Variants in UBE3D observed in about 807,000 individuals in gnomAD.
The protein encoded by UBE3D is ubiquitin protein ligase E3D.
A neutral mutation model predicts 49.6 loss-of-function variants in UBE3D; 48 were observed. That is an observed-to-expected ratio of 0.97 (90% CI 0.77 to 1.23). The LOEUF (loss-of-function observed/expected upper bound fraction) is 1.23, where lower values mean the gene tolerates loss of function less well. UBE3D is among the 50% of genes most tolerant of loss of function. The pLI, the probability that UBE3D is intolerant of heterozygous loss-of-function variation, is 0.00. For missense variants in UBE3D, 452 were observed against 468.4 expected (o/e 0.96, Z 0.32); for synonymous variants, 189 against 174.2 (o/e 1.08, Z -0.67).
chr6:83,033,573 C>T (rs970247499), intron 5 of UBE3D, among the ~76,000 whole-genome samples: 1 of 152,024 alleles, frequency 6.6e-6, no homozygotes, highest in South Asian at 2.1e-4. Flanking sequence ...TTACAAGATC[C>T]ACTAGTTTAA....
At chr6:82,987,301 T>G (rs1009844344) in intron 8 of UBE3D, among the ~76,000 whole-genome samples, 2 of 152,166 alleles carry the variant, frequency 1.3e-5, no homozygotes, top group South Asian at 4.1e-4. Context: ...GGAATGAGCC[T>G]CCACGCCTCA....
chr6:82,941,303 G>GA (rs1242600917), intron 9 of UBE3D, among the ~76,000 whole-genome samples: 2 of 150,832 alleles, frequency 1.3e-5, no homozygotes, highest in Non-Finnish European at 3.0e-5. Flanking sequence ...TTTTTTTTAT[G>GA]AAAAAAGGTT....
rs1169594130 is a variant in UBE3D, at chr6:83,025,922, A to G, written c.668-1884T>C. Reference sequence around the variant, plus strand: ...AAAAAAAAAGAAAAATTGTGTATGTATTGTGGCACCATAATTAAACATATA... The same window carrying G: ...AAAAAAAAAGAAAAATTGTGTATGTGTTGTGGCACCATAATTAAACATATA... On this transcript the variant is annotated intron_variant, in intron 5 of 9. Transcript: ENST00000369747. 2.0e-5 allele frequency among the ~76,000 whole-genome samples: 3 copies of G among 148,372 alleles called. No individual in the cohort carries two copies. The East Asian group carries it at 6.0e-4, about 30-fold the overall frequency.
chr6:83,045,089 T>C (rs762207644), intron 3 of UBE3D, among the ~76,000 whole-genome samples: 1 of 152,208 alleles, frequency 6.6e-6, no homozygotes, highest in Non-Finnish European at 1.5e-5. Flanking sequence ...GATATTTAGG[T>C]TTTGAGTTTT....
rs1443881983 is a variant in UBE3D, at chr6:82,892,513, A to G, written c.*509T>C. On this transcript the variant is annotated 3_prime_UTR_variant, in exon 10 of 10. Coordinates refer to ENST00000369747, the MANE Select transcript of UBE3D (RefSeq NM_198920.3). ...TTAATTTGATAATCATTCATTCAAC[A>G]AACATCTATTGAGCATCTCCTCTGA... The G allele has an allele frequency of 6.4e-6, 1 of 157,312 alleles. No homozygotes were observed. The highest frequency in any genetic ancestry group is 1.4e-5 in the Non-Finnish European group (1 of 70,850). 9.7% of individuals were successfully genotyped at this position (157,312 alleles called of 1,614,324 possible). A position where few individuals can be genotyped will look rare whatever the true frequency, so the allele number is the denominator to read the frequency against.
chr6:82,993,565 T>C (rs563039872), intron 8 of UBE3D, among the ~76,000 whole-genome samples: 1 of 152,308 alleles, frequency 6.6e-6, no homozygotes, highest in East Asian at 1.9e-4. Flanking sequence ...CATCACTTCA[T>C]TCATGTGGAT....
intron 8 of UBE3D, among the ~76,000 whole-genome samples, chr6:82,963,770 C>A (rs1329318516): frequency 1.3e-5 from 2 of 152,122 alleles, no homozygotes; most frequent in African/African-American, 4.8e-5. Context: ...CACCCAGGAT[C>A]AACATTTTTC....
At chr6:82,957,880 G>A (rs1043249465) in intron 8 of UBE3D, among the ~76,000 whole-genome samples, 30 of 152,110 alleles carry the variant, frequency 2.0e-4, no homozygotes, top group African/African-American at 6.5e-4. Flanking sequence ...TTCTGAGCTG[G>A]ATAGGCCCTT....
intron 9 of UBE3D, among the ~76,000 whole-genome samples, chr6:82,948,633 G>A (rs1222615593): frequency 2.6e-5 from 4 of 151,802 alleles, no homozygotes; most frequent in Non-Finnish European, 5.9e-5. Context: ...CTAGCAAACT[G>A]AATTCAATAA....
At position 82,896,083 on chromosome 6, in the gene UBE3D, A is replaced by G. The variant is rs748810139; in HGVS notation, c.1150-3041T>C. 7.2e-5 allele frequency among the ~76,000 whole-genome samples: 11 copies of G among 152,342 alleles called. No individual in the cohort carries two copies. The East Asian group carries it at 1.5e-3, about 21-fold the overall frequency. On this transcript the variant is annotated intron_variant, in intron 9 of 9. Coordinates refer to ENST00000369747, the MANE Select transcript of UBE3D (RefSeq NM_198920.3). ...TTTTTAAAGACAACATGAAACTGCA[A>G]TCATCCTTGGGAACAGGTACTGTAC...
At chr6:82,883,143 A>G in the UBE3D span, among the ~76,000 whole-genome samples, 1 of 152,224 alleles carries the variant, frequency 6.6e-6, no homozygotes, top group African/African-American at 2.4e-5. Flanking sequence ...TCTTCAATAC[A>G]TTTCCTACAG....
intron 8 of UBE3D, among the ~76,000 whole-genome samples, chr6:82,988,428 G>C (rs943994309): frequency 7.9e-5 from 12 of 151,866 alleles, no homozygotes; most frequent in African/African-American, 2.9e-4. Context: ...CCAAAATACT[G>C]ACAGACTGAC....
intron 8 of UBE3D, among the ~76,000 whole-genome samples, chr6:83,001,110 C>G (rs1027442457): frequency 6.6e-6 from 1 of 152,202 alleles, no homozygotes; most frequent in Non-Finnish European, 1.5e-5. Flanking sequence ...TCCCAAAGTG[C>G]TGGAATTACA....
intron 9 of UBE3D, 120 bp from the exon 10 acceptor site, chr6:82,893,162 G>T: frequency 4.3e-6 from 5 of 1,149,636 alleles, no homozygotes; most frequent in Non-Finnish European, 6.4e-6. Flanking sequence ...TGTTTAAACA[G>T]AAAAATGACT....
At chr6:82,970,415 T>C (rs1022227018) in intron 8 of UBE3D, among the ~76,000 whole-genome samples, 8 of 152,104 alleles carry the variant, frequency 5.3e-5, no homozygotes, top group African/African-American at 7.2e-5. Flanking sequence ...GAAAACCTTA[T>C]TGACAGAAAG....
chr6:82,934,565 G>A (rs1774412779), intron 9 of UBE3D, among the ~76,000 whole-genome samples: 1 of 152,032 alleles, frequency 6.6e-6, no homozygotes, highest in African/African-American at 2.4e-5. Context: ...TGGGGGTGGG[G>A]CAAGTTGTGG....
At position 82,898,015 on chromosome 6, in the gene UBE3D, G is replaced by A. The variant is rs570322852; in HGVS notation, c.1150-4973C>T. On this transcript the variant is annotated intron_variant, in intron 9 of 9. Coordinates refer to ENST00000369747, the MANE Select transcript of UBE3D (RefSeq NM_198920.3). The stretch of plus-strand genomic sequence containing the variant: ...CAAACAACCCCATCAAAAAGTGGGC[G>A]AAGGATATGAACAGACACTTCTCAA... 3.9e-5 allele frequency among the ~76,000 whole-genome samples: 6 copies of A among 152,242 alleles called. No homozygotes were observed. In the South Asian group the frequency reaches 6.2e-4, roughly 16 times the overall value.
intron 9 of UBE3D, among the ~76,000 whole-genome samples, chr6:82,946,370 A>G (rs540688238): frequency 1.3e-5 from 2 of 152,244 alleles, no homozygotes; most frequent in East Asian, 3.9e-4. Context: ...TAAAATGCTG[A>G]AGGAAAAAAA....
At chr6:82,978,501 T>A (rs16879535) in intron 8 of UBE3D, among the ~76,000 whole-genome samples, 5,107 of 152,240 alleles carry the variant, frequency 0.034, 137 homozygotes, top group East Asian at 0.094. Context: ...TAAATAACCT[T>A]AAATCCCAAA....
Sources: gnomAD v4.1 joint callset for allele counts (sites outside exome capture counted in the v4.1 genomes callset) on GRCh38, gnomAD v4.1.1 for gene constraint, MANE v1.5 for transcripts, NCBI Gene and HGNC (gene_info 2026-07-23, HGNC 2026-07-21) for gene names.